The following PARD3B variants were observed in gnomAD, a reference collection of about 807,000 sequenced individuals.
PARD3B encodes par-3 family cell polarity regulator beta.
Under a neutral mutation model 130.2 loss-of-function variants are expected in PARD3B, and 103 were observed. The observed-to-expected ratio is 0.79, with a 90% confidence interval of 0.67 to 0.93. The LOEUF (loss-of-function observed/expected upper bound fraction) is 0.93. Ranked by LOEUF, PARD3B falls within the 40% of genes least tolerant of loss-of-function variation. PARD3B has a pLI of 0.00. For missense variants in PARD3B, 1,609 were observed against 1,499.2 expected (o/e 1.07, Z -1.21); for synonymous variants, 583 against 553.2 (o/e 1.05, Z -0.76).
At chr2:204,607,687 G>A (rs2033776969) in intron 1 of PARD3B, among the ~76,000 whole-genome samples, 1 of 152,080 alleles carries the variant, frequency 6.6e-6, no homozygotes, top group Admixed American at 6.6e-5. Flanking sequence ...AGGATATGAG[G>A]GGGATGGCTA....
At chr2:204,659,106 C>T (rs1331600350) in intron 1 of PARD3B, among the ~76,000 whole-genome samples, 1 of 152,146 alleles carries the variant, frequency 6.6e-6, no homozygotes, top group Non-Finnish European at 1.5e-5. Flanking sequence ...GCTAACTCCT[C>T]AATTTGCATT....
In PARD3B at chr2:205,540,058, C is replaced by T. The variant is rs548145382; in HGVS notation, c.3181-13266C>T. On this transcript the variant is annotated intron_variant, in intron 21 of 22. Transcript: ENST00000406610. ...GGGTTCCTAGAAACCCAACTAACCA[C>T]GGACTCTGTGTCCTCCACAGCATGT... Among the ~76,000 whole-genome samples the T allele has an allele frequency of 5.3e-5, 8 of 152,262 alleles. No homozygotes were observed. In the East Asian group the frequency reaches 9.7e-4, roughly 18 times the overall value.
chr2:205,573,936 A>G (rs1340973901), intron 22 of PARD3B, among the ~76,000 whole-genome samples: 1 of 152,228 alleles, frequency 6.6e-6, no homozygotes, highest in African/African-American at 2.4e-5. Flanking sequence ...GTGCCAACAA[A>G]TTGACTTAGA....
At chr2:205,252,061 A>G (rs1175199085) in intron 16 of PARD3B, among the ~76,000 whole-genome samples, 1 of 152,014 alleles carries the variant, frequency 6.6e-6, no homozygotes, top group Non-Finnish European at 1.5e-5. Flanking sequence ...CCACATTTGC[A>G]AAAAAAATTA....
intron 2 of PARD3B, among the ~76,000 whole-genome samples, chr2:204,843,849 T>C (rs1418270060): frequency 6.6e-6 from 1 of 152,148 alleles, no homozygotes; most frequent in African/African-American, 2.4e-5. Flanking sequence ...TTCATACATG[T>C]TATTCAGAGG....
At chr2:204,816,625 G>A (rs906691665) in intron 2 of PARD3B, among the ~76,000 whole-genome samples, 2 of 150,716 alleles carry the variant, frequency 1.3e-5, no homozygotes, top group African/African-American at 2.4e-5. Context: ...TCTTACCTTT[G>A]TTCCTCTGCA....
chr2:205,132,881 C>T (rs959910910), intron 10 of PARD3B, among the ~76,000 whole-genome samples: 6 of 152,142 alleles, frequency 3.9e-5, no homozygotes, highest in African/African-American at 1.2e-4. Flanking sequence ...CTTGTTATTT[C>T]CTGTGCCTAG....
intron 2 of PARD3B, among the ~76,000 whole-genome samples, chr2:204,856,479 A>G (rs10210573): frequency 0.28 from 42,162 of 152,042 alleles, 10,978 homozygotes; most frequent in African/African-American, 0.69. Context: ...TTTTCTCCCA[A>G]TCTAGGTTGT....
At position 204,945,493 on chromosome 2, in the gene PARD3B, G is replaced by A. The variant is rs78580725; in HGVS notation, c.223-19659G>A. On this transcript the variant is annotated intron_variant, in intron 2 of 22. Coordinates refer to ENST00000406610, the MANE Select transcript of PARD3B (RefSeq NM_001302769.2). The stretch of plus-strand genomic sequence containing the variant: ...TAGATCTTATCTATAGAACAGAAAA[G>A]GAACACAGTCTTGTGAAAAGGGCTA... 8.7e-3 allele frequency among the ~76,000 whole-genome samples: 1,326 copies of A among 152,290 alleles called. 23 individuals carry two copies. Among genetic ancestry groups the A allele is most frequent in the African/African-American group, 0.03 (1,230 of 41,562 alleles).
In PARD3B at chr2:205,290,378, G is replaced by C. The variant is rs368266983; in HGVS notation, c.2186-10152G>C. 4.6e-5 allele frequency among the ~76,000 whole-genome samples: 7 copies of C among 152,294 alleles called. No homozygotes were observed. In the South Asian group the frequency reaches 1.2e-3, roughly 27 times the overall value. ...AGCAAAGAAAATGGGAGGAATTTCA[G>C]CTCAAGGTTTGTCAGACCAGGAAAG... On this transcript the variant is annotated intron_variant, in intron 16 of 22. Coordinates refer to ENST00000406610, the MANE Select transcript of PARD3B (RefSeq NM_001302769.2).
chr2:205,449,384 C>A (rs1411968724), intron 20 of PARD3B, among the ~76,000 whole-genome samples: 2 of 151,562 alleles, frequency 1.3e-5, no homozygotes, highest in Non-Finnish European at 2.9e-5. Flanking sequence ...TGCCCGCCAC[C>A]ACGCCCAGCT....
At position 205,210,616 on chromosome 2, in the gene PARD3B, TGATG is replaced by T. The variant is rs147111132; in HGVS notation, c.2140+17297_2140+17300del. 8.0e-3 allele frequency among the ~76,000 whole-genome samples: 1,215 copies of T among 152,272 alleles called. 16 individuals are homozygous for T. Among genetic ancestry groups the T allele is most frequent in the African/African-American group, 0.014 (571 of 41,584 alleles). On this transcript the variant is annotated intron_variant, in intron 15 of 22. Coordinates refer to ENST00000406610, the MANE Select transcript of PARD3B (RefSeq NM_001302769.2). ...TCTATACGTGTACTCCCCAGCCAGA[TGATG>T]TATTAAAGATATGAGGCTTTTGATT...
intron 4 of PARD3B, among the ~76,000 whole-genome samples, chr2:205,087,780 T>C (rs1475590778): frequency 2.6e-5 from 4 of 152,144 alleles, no homozygotes; most frequent in Admixed American, 2.6e-4. Context: ...GGCAAAATTA[T>C]ATCACCAATA....
chr2:205,517,527 A>ACAACTTCTGGAAT (rs2050843192), intron 21 of PARD3B, among the ~76,000 whole-genome samples: 1 of 152,102 alleles, frequency 6.6e-6, no homozygotes, highest in South Asian at 2.1e-4. Context: ...TTTCAAAAAA[A>ACAACTTCTGGAAT]CAACTTCTGG....
intron 15 of PARD3B, among the ~76,000 whole-genome samples, chr2:205,205,183 T>A (rs2037216465): frequency 1.3e-5 from 2 of 152,310 alleles, no homozygotes; most frequent in Non-Finnish European, 2.9e-5. Flanking sequence ...TAAGTTGGAT[T>A]CCTAGGTATT....
intron 21 of PARD3B, among the ~76,000 whole-genome samples, chr2:205,511,356 C>T (rs1465812132): frequency 6.6e-6 from 1 of 152,136 alleles, no homozygotes; most frequent in East Asian, 1.9e-4. Flanking sequence ...TGTCAAAAAA[C>T]CCTATGCTAT....
chr2:204,851,483 G>C (rs1003385433), intron 2 of PARD3B, among the ~76,000 whole-genome samples: 1 of 152,166 alleles, frequency 6.6e-6, no homozygotes, highest in East Asian at 1.9e-4. Context: ...ACTAGGTTCT[G>C]AATGTAAACT....
intron 1 of PARD3B, among the ~76,000 whole-genome samples, chr2:204,682,274 T>C (rs568219941): frequency 6.6e-6 from 1 of 152,282 alleles, no homozygotes; most frequent in African/African-American, 2.4e-5. Context: ...AAATATTTTC[T>C]GTGTTTAAAA....
chr2:205,037,915 G>C (rs1391505353), intron 3 of PARD3B, among the ~76,000 whole-genome samples: 1 of 152,190 alleles, frequency 6.6e-6, no homozygotes, highest in East Asian at 1.9e-4. Flanking sequence ...CATGTAAGGG[G>C]CTCATGCAAA....
Sources: gnomAD v4.1 joint callset for allele counts (sites outside exome capture counted in the v4.1 genomes callset) on GRCh38, gnomAD v4.1.1 for gene constraint, MANE v1.5 for transcripts, NCBI Gene and HGNC (gene_info 2026-07-23, HGNC 2026-07-21) for gene names.